GMDS: variants seen among roughly 807,000 people sequenced by gnomAD.
The protein encoded by GMDS is GDP-mannose 4,6-dehydratase, also known as GDP-mannose 4,6 dehydratase.
GMDS carries 20 observed loss-of-function variants against 49.9 expected under a neutral mutation model. That is an observed-to-expected ratio of 0.40 (90% CI 0.28 to 0.58). The LOEUF is 0.58. Ranked by LOEUF, GMDS falls within the 20% of genes least tolerant of loss-of-function variation. GMDS has a pLI of 0.42. For synonymous variants in GMDS, 177 were observed against 178.6 expected (o/e 0.99, Z 0.07); for missense variants, 362 against 481.4 (o/e 0.75, Z 2.32).
chr6:2,050,249 C>T (rs1325252525), intron 4 of GMDS, among the ~76,000 whole-genome samples: 1 of 152,182 alleles, frequency 6.6e-6, no homozygotes, highest in African/African-American at 2.4e-5. Flanking sequence ...CTATCAACAC[C>T]TCTACACAAA....
intron 7 of GMDS, among the ~76,000 whole-genome samples, chr6:1,915,145 C>T (rs878941251): frequency 1.3e-5 from 2 of 152,192 alleles, no homozygotes; most frequent in Admixed American, 6.5e-5. Flanking sequence ...TTTGCTTTTC[C>T]CATAAAGAAG....
intron 3 of GMDS, among the ~76,000 whole-genome samples, chr6:2,116,166 G>A (rs1051543736): frequency 1.3e-5 from 2 of 151,992 alleles, no homozygotes; most frequent in Non-Finnish European, 2.9e-5. Flanking sequence ...CATATCTTAG[G>A]GCTCCAGGTG....
intron 4 of GMDS, among the ~76,000 whole-genome samples, chr6:2,061,720 A>AAC (rs1305283897): frequency 7.0e-6 from 1 of 143,640 alleles, no homozygotes; most frequent in African/African-American, 2.5e-5. Flanking sequence ...CTCTGTCTCA[A>AAC]AAAAAAAAAA....
chr6:2,095,283 A>G (rs1773531643), intron 4 of GMDS, among the ~76,000 whole-genome samples: 1 of 152,188 alleles, frequency 6.6e-6, no homozygotes, highest in Non-Finnish European at 1.5e-5. Flanking sequence ...TAATGACACT[A>G]TAGTTCAGTA....
At chr6:2,020,366 G>A (rs1430529666) in intron 4 of GMDS, among the ~76,000 whole-genome samples, 4 of 151,828 alleles carry the variant, frequency 2.6e-5, no homozygotes, top group Non-Finnish European at 4.4e-5. Flanking sequence ...TATCAGTTAT[G>A]AGAGATCACA....
chr6:1,879,149 A>G (rs1759241709), intron 7 of GMDS, among the ~76,000 whole-genome samples: 2 of 152,262 alleles, frequency 1.3e-5, no homozygotes, highest in Non-Finnish European at 1.5e-5. Context: ...CCCAAATTTC[A>G]TTACAGACAT....
At chr6:1,945,306 A>AT (rs758000479) in intron 6 of GMDS, among the ~76,000 whole-genome samples, 7 of 152,108 alleles carry the variant, frequency 4.6e-5, no homozygotes, top group Non-Finnish European at 1.0e-4. Context: ...ATGAATGGGC[A>AT]TGCAGGAGGC....
At chr6:1,795,247 T>C (rs979664243) in intron 7 of GMDS, among the ~76,000 whole-genome samples, 3 of 152,190 alleles carry the variant, frequency 2.0e-5, no homozygotes, top group Non-Finnish European at 2.9e-5. Flanking sequence ...TGTATTTTCA[T>C]ACATAGACTT....
At chr6:1,671,066 G>A (rs1386679902) in intron 9 of GMDS, among the ~76,000 whole-genome samples, 2 of 152,140 alleles carry the variant, frequency 1.3e-5, no homozygotes, top group African/African-American at 4.8e-5. Flanking sequence ...CAGAAGGCTT[G>A]AGCCTACAGA....
chr6:1,694,288 G>A (rs188237960), intron 9 of GMDS, among the ~76,000 whole-genome samples: 226 of 152,002 alleles, frequency 1.5e-3, no homozygotes, highest in Middle Eastern at 3.4e-3. Flanking sequence ...ATTTTAGGGT[G>A]GATCTCAATT....
In GMDS at chr6:1,624,054, AG is replaced by A. The variant is rs1201478950; in HGVS notation, c.*114del. 5.7e-6 allele frequency: 5 copies of A among 878,642 alleles called. No individual in the cohort carries two copies. The highest frequency in any genetic ancestry group is 4.9e-5 in the African/African-American group (3 of 60,790). 54.4% of individuals were successfully genotyped at this position (878,642 alleles called of 1,614,324 possible). On this transcript the variant is annotated 3_prime_UTR_variant, in exon 11 of 11. Transcript: ENST00000380815. ...GCGGCCGGGACAGCGCAGCGGCAGCAGGGGCCGCAGGGGACCCGCAGATTGG... is the reference window on the plus strand; with the variant it reads ...GCGGCCGGGACAGCGCAGCGGCAGCAGGGCCGCAGGGGACCCGCAGATTGG...
chr6:1,930,088 T>C lies in GMDS; in HGVS notation c.771+15A>G, dbSNP rs768503722. On this transcript the variant is annotated intron_variant, in intron 7 of 10. Transcript: ENST00000380815. ...GATACGGGTATTTTCAAGAATGTAATGTGTCAGTTCCTACCTCCACATAGT... is the reference window on the plus strand; with the variant it reads ...GATACGGGTATTTTCAAGAATGTAACGTGTCAGTTCCTACCTCCACATAGT... The C allele has an allele frequency of 3.8e-6, 6 of 1,599,536 alleles. No homozygotes were observed. In the East Asian group the frequency reaches 9.0e-5, roughly 24 times the overall value.
chr6:2,062,885 T>C (rs921064862), intron 4 of GMDS, among the ~76,000 whole-genome samples: 5 of 152,250 alleles, frequency 3.3e-5, no homozygotes, highest in African/African-American at 1.2e-4. Flanking sequence ...CATTTACCTA[T>C]AAAATGAAGC....
chr6:1,986,080 G>C (rs1451606692), intron 4 of GMDS, among the ~76,000 whole-genome samples: 1 of 152,180 alleles, frequency 6.6e-6, no homozygotes, highest in Non-Finnish European at 1.5e-5. Context: ...ATAATTTTAA[G>C]TTTCAACATT....
intron 7 of GMDS, among the ~76,000 whole-genome samples, chr6:1,826,571 T>A (rs191563163): frequency 1.3e-5 from 2 of 152,210 alleles, no homozygotes; most frequent in African/African-American, 2.4e-5. Flanking sequence ...GTCAATATAG[T>A]TATAAACTCC....
chr6:1,839,267 G>T (rs1757054195), intron 7 of GMDS, among the ~76,000 whole-genome samples: 1 of 152,118 alleles, frequency 6.6e-6, no homozygotes, highest in Non-Finnish European at 1.5e-5. Flanking sequence ...TATGCTTGTG[G>T]TACTGCTTAT....
intron 4 of GMDS, among the ~76,000 whole-genome samples, chr6:2,047,983 C>T (rs1163793923): frequency 6.6e-6 from 1 of 152,122 alleles, no homozygotes; most frequent in Admixed American, 6.5e-5. Flanking sequence ...TTCCATAATG[C>T]TATACCCCTG....
At chr6:2,223,369 C>G (rs1780680217) in intron 1 of GMDS, among the ~76,000 whole-genome samples, 1 of 151,938 alleles carries the variant, frequency 6.6e-6, no homozygotes, top group Admixed American at 6.6e-5. Context: ...TACACTCCCC[C>G]CAGGGCAAGA....
intron 1 of GMDS, among the ~76,000 whole-genome samples, chr6:2,128,491 A>G (rs1229670109): frequency 1.3e-5 from 2 of 152,134 alleles, no homozygotes; most frequent in African/African-American, 4.8e-5. Flanking sequence ...GAACTAAGCT[A>G]GGAAGGTGGG....
Sources: allele counts gnomAD v4.1 joint callset (sites outside exome capture counted in the v4.1 genomes callset), GRCh38; gene constraint gnomAD v4.1.1; transcripts MANE v1.5; gene names NCBI Gene and HGNC (gene_info 2026-07-23, HGNC 2026-07-21).